Variants in TXLNG observed in about 807,000 individuals in gnomAD.
TXLNG encodes gamma-taxilin.
In TXLNG, 5 loss-of-function variants were observed where a neutral mutation model predicts 38.8. The ratio of observed to expected loss-of-function variants is 0.13; its 90% confidence interval spans 0.07 to 0.27. The LOEUF (loss-of-function observed/expected upper bound fraction) is 0.27. Ranked by LOEUF, TXLNG falls within the 10% of genes least tolerant of loss-of-function variation. The pLI is 1.00. For synonymous variants in TXLNG, 182 were observed against 158.2 expected (o/e 1.15, Z -1.13); for missense variants, 393 against 398.2 (o/e 0.99, Z 0.11).
At position 16,832,716 on chromosome X, in the gene TXLNG, G is replaced by A. The variant is rs773654303; in HGVS notation, c.958G>A (p.Glu320Lys). 1.5e-5 allele frequency: 18 copies of A among 1,204,181 alleles called. No individual in the cohort carries two copies. Among genetic ancestry groups the A allele is most frequent in the Non-Finnish European group, 2.0e-5 (18 of 893,028 alleles). ...QTTQLIKEAD[E>K]KHQREREFLL... ...GACACAACTGATAAAAGAAGCTGAT[G>A]AAAAACATCAGAGAGAGAGAGAGTT... is the stretch of plus-strand genomic sequence containing the variant. The change falls in exon 6 of 10, where the codon GAA becomes AAA. Residue 320 changes from glutamate to lysine, a missense_variant. Coordinates refer to ENST00000380122, the MANE Select transcript of TXLNG (RefSeq NM_018360.3).
rs1929892961 is a variant in TXLNG at position 16,842,493 on chromosome X, T to C, written c.*727T>C. On this transcript the variant is annotated 3_prime_UTR_variant, in exon 10 of 10. Transcript: ENST00000380122. The stretch of plus-strand genomic sequence containing the variant: ...GGATTTGGACCATGAGGGGCTCCCG[T>C]AGAGGATGGCGGTTTGTGTTTGATT... The C allele has an allele frequency of 1.8e-5, 2 of 111,631 alleles. No homozygotes were observed. The highest frequency in any genetic ancestry group is 7.6e-4 in the South Asian group (2 of 2,641). The allele number at this position is 111,631 out of a possible 1,213,427, so 9.2% of individuals were successfully genotyped here.
chrX:16,829,163 A>G (rs937619416), intron 4 of TXLNG, among the ~76,000 whole-genome samples: 2 of 111,714 alleles, frequency 1.8e-5, no homozygotes, highest in Non-Finnish European at 3.8e-5. Flanking sequence ...CTTTTTAATC[A>G]TCAGAAAGTA....
At position 16,829,584 on chromosome X, in the gene TXLNG, T is replaced by C; in HGVS notation, c.678T>C (p.Asn226=). The change falls in exon 5 of 10, where the codon AAT becomes AAC. Residue 226 remains asparagine, a synonymous_variant. Transcript: ENST00000380122. ...QRHNKTLKEE[N]MQQAREEEER... is the part of the protein sequence containing the mutation. ...TTATTTTGGGTAATAAGGAGGAAAA[T>C]ATGCAGCAGGCACGAGAGGAAGAAG... The C allele has an allele frequency of 8.3e-7, 1 of 1,209,957 alleles. No individual in the cohort carries two copies.
intron 1 of TXLNG, 76 bp downstream of exon 1, chrX:16,786,665 C>G (rs1339374712): frequency 5.4e-6 from 4 of 742,423 alleles, no homozygotes; most frequent in Non-Finnish European, 7.1e-6. Flanking sequence ...TCCACCTCTT[C>G]TCTCTCCCTG....
chrX:16,844,105 G>A lies in TXLNG; in HGVS notation c.*2339G>A, dbSNP rs372136098. 3 of 111,859 alleles carry A rather than the reference G, an allele frequency of 2.7e-5. No homozygotes were observed. The highest frequency in any genetic ancestry group is 7.5e-4 in the South Asian group (2 of 2,684). 9.2% of individuals were successfully genotyped at this position (111,859 alleles called of 1,213,427 possible). A position where few individuals can be genotyped will look rare whatever the true frequency, so the allele number is the denominator to read the frequency against. ...CGTGATGTGTATTATTTATATTGGC[G>A]GTGGACTCCAAGGTGTAGAGAAAAC... is the stretch of plus-strand genomic sequence containing the variant. On this transcript the variant is annotated 3_prime_UTR_variant, in exon 10 of 10. Transcript: ENST00000380122.
chrX:16,796,934 C>CCTAATTTACCA (rs1272941320), intron 1 of TXLNG, among the ~76,000 whole-genome samples: 1 of 111,239 alleles, frequency 9.0e-6, no homozygotes, highest in Non-Finnish European at 1.9e-5. Flanking sequence ...GGCTTCTTTA[C>CCTAATTTACCA]CTAATTTACC....
intron 3 of TXLNG, among the ~76,000 whole-genome samples, chrX:16,821,879 A>G (rs1436112962): frequency 3.7e-5 from 4 of 109,278 alleles, no homozygotes; most frequent in African/African-American, 1.3e-4. Flanking sequence ...CTGTAGTCCC[A>G]GCTACTCGGG....
chrX:16,795,286 T>A (rs1487580690), intron 1 of TXLNG, among the ~76,000 whole-genome samples: 2 of 111,097 alleles, frequency 1.8e-5, no homozygotes, highest in Admixed American at 9.6e-5. Context: ...CAAAAAAAAA[T>A]AAAAATAATA....
intron 1 of TXLNG, among the ~76,000 whole-genome samples, chrX:16,800,867 TGGAGGTGGGGCCTGGTG>T (rs377511543): frequency 1.6e-4 from 18 of 112,118 alleles, no homozygotes; most frequent in African/African-American, 2.3e-4. Context: ...ATCCCAGTGA[TGGAGGTGGGGCCTGGTG>T]GGAGGTGGGG....
intron 1 of TXLNG, among the ~76,000 whole-genome samples, chrX:16,800,182 C>T (rs1397422851): frequency 1.8e-5 from 2 of 112,080 alleles, no homozygotes; most frequent in South Asian, 3.7e-4. Flanking sequence ...TCAGGCGATC[C>T]ACCCACCTTG....
At chrX:16,790,791 C>T (rs1927674374) in intron 1 of TXLNG, among the ~76,000 whole-genome samples, 1 of 111,706 alleles carries the variant, frequency 9.0e-6, no homozygotes, top group South Asian at 3.7e-4. Context: ...TTTCACTGCC[C>T]TCATTTGCTG....
intron 7 of TXLNG, among the ~76,000 whole-genome samples, chrX:16,835,716 T>A (rs1287535241): frequency 8.9e-6 from 1 of 112,178 alleles, no homozygotes; most frequent in Non-Finnish European, 1.9e-5. Context: ...ACTATTTGTT[T>A]CCTTTGCTGT....
At chrX:16,816,549 A>G (rs1447604693) in intron 1 of TXLNG, among the ~76,000 whole-genome samples, 1 of 112,532 alleles carries the variant, frequency 8.9e-6, no homozygotes, top group Non-Finnish European at 1.9e-5. Flanking sequence ...TACATATGGA[A>G]GTGAATTTTT....
chrX:16,787,402 ATTT>A (rs1358376955), intron 1 of TXLNG, among the ~76,000 whole-genome samples: 1 of 109,881 alleles, frequency 9.1e-6, no homozygotes, highest in Non-Finnish European at 1.9e-5. Context: ...TTCATTTATT[ATTT>A]TTTTAATTTG....
chrX:16,804,616 T>A (rs774923818), intron 1 of TXLNG, among the ~76,000 whole-genome samples: 1 of 110,187 alleles, frequency 9.1e-6, no homozygotes, highest in Middle Eastern at 4.2e-3. Flanking sequence ...GCATTTTTAT[T>A]TGTATATTGG....
chrX:16,838,043 A>G (rs1334294479), intron 8 of TXLNG, among the ~76,000 whole-genome samples: 1 of 111,901 alleles, frequency 8.9e-6, no homozygotes, highest in African/African-American at 3.2e-5. Context: ...AACTATTGAA[A>G]GACATCCAAG....
In TXLNG at chrX:16,834,270, TTC is replaced by T. The variant is rs1454929933; in HGVS notation, c.985-11_985-10del. On this transcript the variant is annotated splice_polypyrimidine_tract_variant and intron_variant, in intron 6 of 9. Transcript: ENST00000380122. ...TACCATTAGCATTTTGCCAGAATGT[TTC>T]TGTTTTCTAGTTATTAAAAGAAGCG... The T allele has an allele frequency of 2.5e-6, 3 of 1,196,427 alleles. No homozygotes were observed. Among genetic ancestry groups the T allele is most frequent in the Non-Finnish European group, 2.3e-6 (2 of 885,459 alleles).
intron 8 of TXLNG, chrX:16,839,467 T>C (rs1569273674): frequency 8.0e-6 from 1 of 124,302 alleles, no homozygotes; most frequent in Non-Finnish European, 1.6e-5. Context: ...GGAGGGCTTG[T>C]CTCTCGCTAC....
intron 1 of TXLNG, among the ~76,000 whole-genome samples, chrX:16,789,000 T>C (rs1927608592): frequency 8.9e-6 from 1 of 112,330 alleles, no homozygotes; most frequent in Admixed American, 9.5e-5. Context: ...TTTACATTAC[T>C]TCATTGTGTC....
Sources: gnomAD v4.1 joint callset for allele counts (sites outside exome capture counted in the v4.1 genomes callset) on GRCh38, gnomAD v4.1.1 for gene constraint, MANE v1.5 for transcripts, NCBI Gene and HGNC (gene_info 2026-07-23, HGNC 2026-07-21) for gene names.